FBXO34: variants seen among roughly 807,000 people sequenced by gnomAD.
FBXO34 encodes the protein F-box only protein 34.
In FBXO34, 12 loss-of-function variants were observed where a neutral mutation model predicts 24.5. That is an observed-to-expected ratio of 0.49 (90% CI 0.31 to 0.79). The LOEUF (loss-of-function observed/expected upper bound fraction) is 0.79, where lower values mean the gene tolerates loss of function less well. Among genes scored for constraint, FBXO34 ranks in the 30% least tolerant of loss-of-function variants. The pLI is 0.04. For synonymous variants in FBXO34, 320 were observed against 311.9 expected (o/e 1.03, Z -0.27); for missense variants, 823 against 857.7 (o/e 0.96, Z 0.51).
At chr14:55,325,710 G>C (rs907676278) in intron 1 of FBXO34, 1 of 152,210 alleles carries the variant, frequency 6.6e-6, no homozygotes, top group Non-Finnish European at 1.5e-5. Context: ...CCCGACCTCA[G>C]GTGAGCCGCC....
chr14:55,413,773 G>A, the FBXO34 span: 5 of 327,900 alleles, frequency 1.5e-5, no homozygotes, highest in South Asian at 1.1e-4. Context: ...GAGGTCAGGA[G>A]TTCAAGACCA....
the FBXO34 span, chr14:55,390,938 A>G: frequency 8.1e-6 from 13 of 1,604,134 alleles, no homozygotes; most frequent in Non-Finnish European, 1.0e-5. Flanking sequence ...TTTCCTTTAC[A>G]TATTGTTTGT....
the FBXO34 span, among the ~76,000 whole-genome samples, chr14:55,418,044 C>A: frequency 2.6e-5 from 4 of 152,170 alleles, no homozygotes; most frequent in Admixed American, 2.6e-4. Context: ...AAAGTTGGGA[C>A]ATTTTATAAA....
the FBXO34 span, among the ~76,000 whole-genome samples, chr14:55,386,250 G>A: frequency 6.6e-6 from 1 of 152,154 alleles, no homozygotes; most frequent in African/African-American, 2.4e-5. Context: ...AAATTTGAGA[G>A]TTTAGTTCAA....
chr14:55,441,234 G>A, the FBXO34 span, among the ~76,000 whole-genome samples: 1 of 151,446 alleles, frequency 6.6e-6, no homozygotes, highest in Non-Finnish European at 1.5e-5. Context: ...CTGCAGCCTC[G>A]ACCTCCTGGA....
chr14:55,400,913 T>TA, the FBXO34 span, among the ~76,000 whole-genome samples: 4 of 68,290 alleles, frequency 5.9e-5, no homozygotes, highest in Non-Finnish European at 1.6e-4. Flanking sequence ...AATAAATAAA[T>TA]AAAATAAAAT....
intron 1 of FBXO34, among the ~76,000 whole-genome samples, chr14:55,308,872 A>G (rs1428628322): frequency 1.3e-5 from 2 of 152,204 alleles, no homozygotes; most frequent in East Asian, 3.8e-4. Flanking sequence ...TCTGACTGAA[A>G]TGTAGCATTT....
Position 55,287,089 on chromosome 14 carries a change from A to G in FBXO34, c.-11+15552A>G, listed in dbSNP as rs578060695. On this transcript the variant is annotated intron_variant, in intron 1 of 1. Transcript: ENST00000313833. ...ACCTGGCTAGTTTTTGTATTTTAGT[A>G]GAGATGGGGTTTCACCTTGTTGGCC... Among the ~76,000 whole-genome samples, 245 of 151,988 alleles carry G rather than the reference A, an allele frequency of 1.6e-3. 3 individuals carry two copies. The highest frequency in any genetic ancestry group is 5.5e-3 in the African/African-American group (227 of 41,454).
At chr14:55,333,324 G>A (rs1359102617) in intron 1 of FBXO34, among the ~76,000 whole-genome samples, 9 of 152,106 alleles carry the variant, frequency 5.9e-5, no homozygotes, top group African/African-American at 1.9e-4. Context: ...GACCCTCTTG[G>A]TTTTGCTGTT....
chr14:55,396,845 TC>T, the FBXO34 span, among the ~76,000 whole-genome samples: 2 of 150,626 alleles, frequency 1.3e-5, no homozygotes, highest in East Asian at 3.9e-4. Flanking sequence ...TTCCCACCAT[TC>T]CCCCCCACAA....
the FBXO34 span, among the ~76,000 whole-genome samples, chr14:55,442,009 T>A: frequency 6.6e-6 from 1 of 150,736 alleles, no homozygotes; most frequent in Non-Finnish European, 1.5e-5. Context: ...GTGATCCACC[T>A]GCCTTGGCCT....
chr14:55,313,780 A>G (rs764889660), intron 1 of FBXO34, among the ~76,000 whole-genome samples: 1 of 152,220 alleles, frequency 6.6e-6, no homozygotes, highest in African/African-American at 2.4e-5. Context: ...CATGGGGGAA[A>G]CCACCCCCAC....
chr14:55,359,404 G>T lies in FBXO34; in HGVS notation c.*589-2329G>T, dbSNP rs955405798. Among the ~76,000 whole-genome samples, 16 of 152,332 alleles carry T rather than the reference G, an allele frequency of 1.1e-4. No individual in the cohort carries two copies. The East Asian group carries it at 2.7e-3, about 26-fold the overall frequency. On this transcript the variant is annotated intron_variant and NMD_transcript_variant, in intron 3 of 3. Transcript: ENST00000555280. ...AGACCACTGCAATAAAGCAAGTCAT[G>T]AATTTTCTGGTGCATATACAAGTTA...
In FBXO34 at chr14:55,309,099, CTA is replaced by C. The variant is rs563702706; in HGVS notation, c.-11+37564_-11+37565del. On this transcript the variant is annotated intron_variant, in intron 1 of 1. Coordinates refer to ENST00000313833, the MANE Select transcript of FBXO34 (RefSeq NM_017943.4). ...TATTTAATATCATTAGTTTTTGAAACTATTTTAACTGTATTTTAATATAATTG... is the reference window on the plus strand; with the variant it reads ...TATTTAATATCATTAGTTTTTGAAACTTTTAACTGTATTTTAATATAATTG... 3.0e-4 allele frequency among the ~76,000 whole-genome samples: 46 copies of C among 152,128 alleles called. 3 individuals are homozygous for C. The South Asian group carries it at 9.3e-3, about 31-fold the overall frequency.
chr14:55,352,627 G>C lies in FBXO34; in HGVS notation c.*101G>C. 2 of 955,602 alleles carry C rather than the reference G, an allele frequency of 2.1e-6. No individual in the cohort carries two copies. The highest frequency in any genetic ancestry group is 3.1e-6 in the Non-Finnish European group (2 of 648,354). The allele number at this position is 955,602 out of a possible 1,614,324, so 59.2% of individuals were successfully genotyped here. On this transcript the variant is annotated 3_prime_UTR_variant, in exon 2 of 2. Transcript: ENST00000313833. Reference sequence around the variant, plus strand: ...AGCCCCCTGAGTCATCACTCTAGAAGAATCTGTACATCATCAGGACTGCAT... The same window carrying C: ...AGCCCCCTGAGTCATCACTCTAGAACAATCTGTACATCATCAGGACTGCAT...
At chr14:55,397,405 C>G in the FBXO34 span, 1 of 1,613,570 alleles carries the variant, frequency 6.2e-7, no homozygotes, top group Non-Finnish European at 8.5e-7. Context: ...GCTCTTAAGT[C>G]GGCTTAACCT....
chr14:55,416,505 A>C, the FBXO34 span, among the ~76,000 whole-genome samples: 1 of 152,246 alleles, frequency 6.6e-6, no homozygotes, highest in South Asian at 2.1e-4. Context: ...AAAGTTTACT[A>C]TCTGTAGGTC....
the FBXO34 span, among the ~76,000 whole-genome samples, chr14:55,415,247 A>G: frequency 6.6e-6 from 1 of 152,224 alleles, no homozygotes; most frequent in Non-Finnish European, 1.5e-5. Context: ...GCTGGAGGCA[A>G]GGAAGGAAGA....
intron 1 of FBXO34, among the ~76,000 whole-genome samples, chr14:55,329,923 C>T (rs1883476339): frequency 6.6e-6 from 1 of 151,832 alleles, no homozygotes; most frequent in South Asian, 2.1e-4. Flanking sequence ...AACTGCTTGA[C>T]TGGCCTGTTT....
Sources: allele counts gnomAD v4.1 joint callset (sites outside exome capture counted in the v4.1 genomes callset), GRCh38; gene constraint gnomAD v4.1.1; transcripts MANE v1.5; gene names NCBI Gene and HGNC (gene_info 2026-07-23, HGNC 2026-07-21).